The following ANK2 variants were observed in gnomAD, a reference collection of about 807,000 sequenced individuals.
The protein encoded by ANK2 is ankyrin 2, also known as ankyrin-2.
In ANK2, 83 loss-of-function variants were observed where a neutral mutation model predicts 360.5. The ratio of observed to expected loss-of-function variants is 0.23; its 90% CI spans 0.19 to 0.28. The LOEUF (loss-of-function observed/expected upper bound fraction) is 0.28. Ranked by LOEUF, ANK2 falls within the 10% of genes least tolerant of loss-of-function variation. The pLI is 1.00. For missense variants in ANK2, 4,201 were observed against 4,795.7 expected (o/e 0.88, Z 3.66); for synonymous variants, 1,740 against 1,759.5 (o/e 0.99, Z 0.28).
chr4:113,251,661 T>C (rs991255689), intron 10 of ANK2, among the ~76,000 whole-genome samples: 7 of 151,706 alleles, frequency 4.6e-5, no homozygotes, highest in African/African-American at 1.7e-4. Flanking sequence ...TTTTTGTATT[T>C]TTAGGAGAGA....
chr4:112,727,505 G>GAAAT, the ANK2 span, among the ~76,000 whole-genome samples: 3 of 151,228 alleles, frequency 2.0e-5, no homozygotes, highest in Non-Finnish European at 4.4e-5. Context: ...TATTAGACTA[G>GAAAT]AAATAAATAA....
chr4:113,160,578 G>A (rs182775112), intron 1 of ANK2, among the ~76,000 whole-genome samples: 43 of 152,206 alleles, frequency 2.8e-4, no homozygotes, highest in Admixed American at 5.2e-4. Context: ...ATTTCACCCT[G>A]TTGAACATCT....
At chr4:112,992,335 T>G (rs1216270718) in intron 2 of ANK2, among the ~76,000 whole-genome samples, 1 of 151,912 alleles carries the variant, frequency 6.6e-6, no homozygotes, top group African/African-American at 2.4e-5. Flanking sequence ...GTAGAGATGG[T>G]GTTTCACCAT....
At position 113,336,590 on chromosome 4, in the gene ANK2, A is replaced by T; in HGVS notation, c.3605A>T (p.His1202Leu). The change falls in exon 31 of 46, where the codon CAC becomes CTC. Residue 1202 changes from histidine (H) to leucine (L), a missense_variant. Coordinates refer to ENST00000357077, the MANE Select transcript of ANK2 (RefSeq NM_001148.6). Reference sequence around the variant, plus strand: ...TACTTTGAAAAGGCTCAACCTATGCACAGTGAGCTGGTTAAGAAGATCCTA... The same window carrying T: ...TACTTTGAAAAGGCTCAACCTATGCTCAGTGAGCTGGTTAAGAAGATCCTA... ...IRVGLQAQPM[H>L]SELVKKILGN... The T allele has an allele frequency of 1.2e-6, 2 of 1,614,158 alleles. No homozygotes were observed. Among genetic ancestry groups the T allele is most frequent in the Non-Finnish European group, 1.7e-6 (2 of 1,180,012 alleles).
chr4:112,770,232 G>A, the ANK2 span, among the ~76,000 whole-genome samples: 1 of 152,272 alleles, frequency 6.6e-6, no homozygotes, highest in Admixed American at 6.5e-5. Context: ...TCATCAGTTG[G>A]TCTCTCCCTT....
intron 14 of ANK2, among the ~76,000 whole-genome samples, chr4:113,269,648 T>C (rs1236205255): frequency 1.3e-5 from 2 of 152,194 alleles, no homozygotes; most frequent in African/African-American, 2.4e-5. Flanking sequence ...GATACCTCAG[T>C]TGGAAATGCA....
At position 113,011,532 on chromosome 4, in the gene ANK2, C is replaced by T. The variant is rs2054724772; in HGVS notation, c.21+107018C>T. On this transcript the variant is annotated intron_variant, in intron 2 of 30. Transcript: ENST00000503271. Reference sequence around the variant, plus strand: ...AGAGTAGTGGATTGTGAAAATGTGACAAGACAAAAGAGCTTGGCCTAGAGT... The same window carrying T: ...AGAGTAGTGGATTGTGAAAATGTGATAAGACAAAAGAGCTTGGCCTAGAGT... Among the ~76,000 whole-genome samples the T allele has an allele frequency of 2.0e-5, 3 of 152,132 alleles. No individual in the cohort carries two copies. The South Asian group carries it at 6.2e-4, about 32-fold the overall frequency.
chr4:112,707,316 T>G, the ANK2 span, among the ~76,000 whole-genome samples: 1 of 152,212 alleles, frequency 6.6e-6, no homozygotes, highest in African/African-American at 2.4e-5. Flanking sequence ...TTTTAATATG[T>G]GTAAGTAGTG....
intron 2 of ANK2, among the ~76,000 whole-genome samples, chr4:112,974,499 A>G (rs1244178025): frequency 1.3e-5 from 2 of 152,180 alleles, no homozygotes; most frequent in East Asian, 1.9e-4. Flanking sequence ...GAAGAGAGGG[A>G]AAATGAAGTA....
intron 1 of ANK2, among the ~76,000 whole-genome samples, chr4:112,822,456 C>G (rs2057394895): frequency 1.3e-5 from 2 of 149,870 alleles, no homozygotes; most frequent in East Asian, 2.0e-4. Flanking sequence ...AACAAAAAAC[C>G]ATTTCAGGCT....
chr4:112,788,884 G>C, the ANK2 span: 12 of 707,718 alleles, frequency 1.7e-5, no homozygotes, highest in South Asian at 4.7e-5. Context: ...AGCATCTTGG[G>C]CTGCGGGAGG....
chr4:113,004,199 A>T (rs2051888680), intron 2 of ANK2, among the ~76,000 whole-genome samples: 1 of 152,178 alleles, frequency 6.6e-6, no homozygotes, highest in African/African-American at 2.4e-5. Context: ...ATAATAAGTT[A>T]ACCTTAGCTT....
At chr4:112,971,078 G>C (rs2039365115) in intron 2 of ANK2, among the ~76,000 whole-genome samples, 1 of 151,978 alleles carries the variant, frequency 6.6e-6, no homozygotes, top group African/African-American at 2.4e-5. Context: ...CTTTTAAAAA[G>C]GGAAAAAGCT....
Position 113,161,238 on chromosome 4 carries a change from G to A in ANK2, c.85-13178G>A, listed in dbSNP as rs879758091. Reference sequence around the variant, plus strand: ...TGTTTTGAAAGCTGCCTCAGAAGACGTTCAGATATTCTTTGAAATACAGTA... The same window carrying A: ...TGTTTTGAAAGCTGCCTCAGAAGACATTCAGATATTCTTTGAAATACAGTA... On this transcript the variant is annotated intron_variant, in intron 1 of 45. Coordinates refer to ENST00000357077, the MANE Select transcript of ANK2 (RefSeq NM_001148.6). Among the ~76,000 whole-genome samples, 13 of 152,176 alleles carry A rather than the reference G, an allele frequency of 8.5e-5. 1 individual carries two copies. Among genetic ancestry groups the A allele is most frequent in the Non-Finnish European group, 1.8e-4 (12 of 68,018 alleles).
intron 1 of ANK2, among the ~76,000 whole-genome samples, chr4:113,108,149 T>A (rs1008834551): frequency 3.3e-5 from 5 of 152,188 alleles, no homozygotes; most frequent in African/African-American, 1.2e-4. Context: ...TTTTTAAAAA[T>A]AAACAATACC....
intron 2 of ANK2, among the ~76,000 whole-genome samples, chr4:112,969,611 T>G (rs1031310920): frequency 1.3e-5 from 2 of 152,148 alleles, no homozygotes; most frequent in Non-Finnish European, 2.9e-5. Flanking sequence ...AGTGGCAGAA[T>G]AGGAATTGGA....
At position 113,356,207 on chromosome 4, in the gene ANK2, G is replaced by A. The variant is rs753001714; in HGVS notation, c.7589G>A (p.Ser2530Asn). 5.6e-6 allele frequency: 9 copies of A among 1,613,988 alleles called. No homozygotes were observed. The South Asian group carries it at 9.9e-5, about 18-fold the overall frequency. Residue 2530 changes from serine to asparagine, a missense_variant, in exon 38 of 46, where the codon AGC becomes AAC. Physicochemically the swap from Ser to Asn is conservative, Grantham distance 46. This residue lies in a region of ANK2 where 2,642 missense variants were observed against 2,714.5 expected (regional missense o/e 0.97). Coordinates refer to ENST00000357077, the MANE Select transcript of ANK2 (RefSeq NM_001148.6). Reference sequence around the variant, plus strand: ...CTTGAGCAGACATCGCTCATGGAGAGCTCAGGGAAGAGCCCCCTTTCTCCT... The same window carrying A: ...CTTGAGCAGACATCGCTCATGGAGAACTCAGGGAAGAGCCCCCTTTCTCCT... ...DSLEQTSLME[S>N]SGKSPLSPDT...
chr4:113,070,886 G>A (rs904484638), intron 1 of ANK2, among the ~76,000 whole-genome samples: 4 of 151,610 alleles, frequency 2.6e-5, no homozygotes, highest in South Asian at 2.1e-4. Flanking sequence ...ATAAGCCCCC[G>A]AGACATTCAA....
chr4:113,373,943 A>G (rs13141896), intron 45 of ANK2, among the ~76,000 whole-genome samples: 15,439 of 152,138 alleles, frequency 0.1, 895 homozygotes, highest in Middle Eastern at 0.19. Context: ...TTTTTGTTTT[A>G]AGACAGAGTC....
Sources: gnomAD v4.1 joint callset for allele counts (sites outside exome capture counted in the v4.1 genomes callset) on GRCh38, gnomAD v4.1.1 for gene constraint, gnomAD v4.1.1 regional missense constraint, MANE v1.5 for transcripts, NCBI Gene and HGNC (gene_info 2026-07-23, HGNC 2026-07-21) for gene names.